The following CCSER1 variants were observed in gnomAD, a reference collection of about 807,000 sequenced individuals.
The protein encoded by CCSER1 is serine-rich coiled-coil domain-containing protein 1.
Under a neutral mutation model 82.0 loss-of-function variants are expected in CCSER1, and 41 were observed. The ratio of observed to expected loss-of-function variants is 0.50; its 90% CI spans 0.39 to 0.65. The LOEUF (loss-of-function observed/expected upper bound fraction) is 0.65. Among genes scored for constraint, CCSER1 ranks in the 30% least tolerant of loss-of-function variants. CCSER1 has a pLI of 0.00. For synonymous variants in CCSER1, 414 were observed against 383.9 expected (o/e 1.08, Z -0.92); for missense variants, 1,119 against 1,064.2 (o/e 1.05, Z -0.72).
intron 5 of CCSER1, among the ~76,000 whole-genome samples, chr4:90,606,223 T>A (rs1045350154): frequency 6.6e-6 from 1 of 152,198 alleles, no homozygotes; most frequent in African/African-American, 2.4e-5. Context: ...TATACTGTCA[T>A]GTGTCACTTA....
At chr4:90,632,856 A>C (rs1412059707) in intron 6 of CCSER1, among the ~76,000 whole-genome samples, 4 of 152,114 alleles carry the variant, frequency 2.6e-5, no homozygotes, top group African/African-American at 7.2e-5. Flanking sequence ...ATTTTACTGA[A>C]GTTACTTCAC....
chr4:90,942,155 G>A (rs995655199), intron 9 of CCSER1, among the ~76,000 whole-genome samples: 2 of 151,980 alleles, frequency 1.3e-5, no homozygotes, highest in Admixed American at 6.6e-5. Context: ...TCACCATGTT[G>A]CCCAGGCTGG....
chr4:90,752,902 T>G (rs1424742340), intron 7 of CCSER1, among the ~76,000 whole-genome samples: 1 of 152,128 alleles, frequency 6.6e-6, no homozygotes, highest in East Asian at 1.9e-4. Context: ...TATTTTAAGT[T>G]TATTTCTATC....
rs536100183 is a variant in CCSER1 at position 90,229,225 on chromosome 4, G to T, written c.-41-79019G>T. 2.0e-5 allele frequency among the ~76,000 whole-genome samples: 3 copies of T among 152,256 alleles called. No homozygotes were observed. In the South Asian group the frequency reaches 6.2e-4, roughly 32 times the overall value. On this transcript the variant is annotated intron_variant, in intron 1 of 10. Transcript: ENST00000509176. ...ATGTTAAGGGCAGCCAGAGAGAAAG[G>T]TCGGGTTACCCACAAAGGGAAGCCC...
intron 3 of CCSER1, among the ~76,000 whole-genome samples, chr4:90,329,949 A>T (rs1164192026): frequency 6.6e-6 from 1 of 152,292 alleles, no homozygotes; most frequent in East Asian, 1.9e-4. Flanking sequence ...ACTAATTTTA[A>T]AGTATCTTTT....
rs144475933 is a variant in CCSER1 at position 91,451,865 on chromosome 4, A to G, written c.2218-146707A>G. 6.7e-3 allele frequency among the ~76,000 whole-genome samples: 1,020 copies of G among 152,160 alleles called. 4 individuals are homozygous for G. The highest frequency in any genetic ancestry group is 0.02 in the Middle Eastern group (6 of 294). Reference sequence around the variant, plus strand: ...TCCCAGTTTCATATTAAGTATTAGTAATAAGCATTACCATTATCGAGAAGT... The same window carrying G: ...TCCCAGTTTCATATTAAGTATTAGTGATAAGCATTACCATTATCGAGAAGT... On this transcript the variant is annotated intron_variant, in intron 10 of 10. Transcript: ENST00000509176.
intron 9 of CCSER1, among the ~76,000 whole-genome samples, chr4:91,029,561 C>A (rs1018665221): frequency 2.0e-5 from 3 of 151,968 alleles, no homozygotes; most frequent in African/African-American, 2.4e-5. Flanking sequence ...TGTCCATGAC[C>A]TGCCTAAGTC....
intron 5 of CCSER1, among the ~76,000 whole-genome samples, chr4:90,523,375 A>G (rs1268865504): frequency 6.6e-6 from 1 of 152,126 alleles, no homozygotes; most frequent in African/African-American, 2.4e-5. Context: ...GACTTCACAC[A>G]TAATTGAATT....
At chr4:91,124,746 T>G (rs1452559880) in intron 10 of CCSER1, among the ~76,000 whole-genome samples, 2 of 151,864 alleles carry the variant, frequency 1.3e-5, no homozygotes, top group Non-Finnish European at 2.9e-5. Flanking sequence ...TAAATGTGTG[T>G]GAAAGGATGA....
chr4:90,611,802 A>G (rs972717140), intron 5 of CCSER1, among the ~76,000 whole-genome samples: 21 of 148,530 alleles, frequency 1.4e-4, no homozygotes, highest in African/African-American at 4.6e-4. Flanking sequence ...TTATATATTT[A>G]AAATTATATA....
At chr4:90,931,174 C>CAT (rs1386330990) in intron 9 of CCSER1, among the ~76,000 whole-genome samples, 1 of 151,022 alleles carries the variant, frequency 6.6e-6, no homozygotes, top group Non-Finnish European at 1.5e-5. Flanking sequence ...CACACATGCA[C>CAT]ATATATACAC....
chr4:90,319,444 G>C (rs1579156602), intron 3 of CCSER1, among the ~76,000 whole-genome samples: 1 of 152,126 alleles, frequency 6.6e-6, no homozygotes, highest in African/African-American at 2.4e-5. Context: ...GAGGTTAGGA[G>C]ATCAAGACTA....
At position 91,407,736 on chromosome 4, in the gene CCSER1, A is replaced by G. The variant is rs374762879; in HGVS notation, c.2218-190836A>G. On this transcript the variant is annotated intron_variant, in intron 10 of 10. Transcript: ENST00000509176. ...ACAAGAGAGATGGGGAACCAGCTCT[A>G]CAGGGAACTAGTAGAGTGAGAACTC... Among the ~76,000 whole-genome samples, 11 of 152,154 alleles carry G rather than the reference A, an allele frequency of 7.2e-5. 1 individual carries two copies. In the South Asian group the frequency reaches 8.3e-4, roughly 11 times the overall value.
chr4:90,814,793 C>T (rs1053348459), intron 7 of CCSER1, among the ~76,000 whole-genome samples: 1 of 152,148 alleles, frequency 6.6e-6, no homozygotes, highest in African/African-American at 2.4e-5. Context: ...TTGAGACTAC[C>T]TCAGCCTGGA....
At chr4:91,366,560 G>A (rs1050401528) in intron 10 of CCSER1, among the ~76,000 whole-genome samples, 1 of 152,132 alleles carries the variant, frequency 6.6e-6, no homozygotes, top group Non-Finnish European at 1.5e-5. Context: ...ATTTAAATTA[G>A]TTTATATGTC....
In CCSER1 at chr4:90,520,647, C is replaced by A. The variant is rs191288618; in HGVS notation, c.1724+52293C>A. On this transcript the variant is annotated intron_variant, in intron 5 of 10. Coordinates refer to ENST00000509176, the MANE Select transcript of CCSER1 (RefSeq NM_001145065.2). ...CATTATTTTAACATTAAAAGAAAAC[C>A]TTACTACTTAATGGTGGATCAAATG... Among the ~76,000 whole-genome samples, 36 of 152,154 alleles carry A rather than the reference C, an allele frequency of 2.4e-4. No homozygotes were observed. The South Asian group carries it at 7.3e-3, about 31-fold the overall frequency.
intron 10 of CCSER1, among the ~76,000 whole-genome samples, chr4:91,348,989 A>G (rs1015678221): frequency 1.3e-5 from 2 of 151,902 alleles, no homozygotes; most frequent in Non-Finnish European, 2.9e-5. Context: ...ACTCACTGCA[A>G]GCTCCGCCTC....
Position 91,565,231 on chromosome 4 carries a change from G to A in CCSER1, c.2218-33341G>A, listed in dbSNP as rs1762834527. On this transcript the variant is annotated intron_variant, in intron 10 of 10. Coordinates refer to ENST00000509176, the MANE Select transcript of CCSER1 (RefSeq NM_001145065.2). ...TTGCCAATGTGCAGCCTTATTTCTG[G>A]GTTCTCTGTTCTGCTCCACTGGTCT... Among the ~76,000 whole-genome samples the A allele has an allele frequency of 4.6e-5, 7 of 151,728 alleles. No individual in the cohort carries two copies. In the South Asian group the frequency reaches 1.2e-3, roughly 27 times the overall value.
intron 8 of CCSER1, among the ~76,000 whole-genome samples, chr4:90,892,984 CAGTT>C (rs966128681): frequency 6.6e-6 from 1 of 151,998 alleles, no homozygotes; most frequent in East Asian, 1.9e-4. Context: ...TTATTTTGTT[CAGTT>C]AGTTGTATAT....
Sources: gnomAD v4.1 joint callset for allele counts (sites outside exome capture counted in the v4.1 genomes callset) on GRCh38, gnomAD v4.1.1 for gene constraint, MANE v1.5 for transcripts, NCBI Gene and HGNC (gene_info 2026-07-23, HGNC 2026-07-21) for gene names.